Variants in RIC3 observed in about 807,000 individuals in gnomAD.
RIC3 encodes the protein protein RIC-3.
Under a neutral mutation model 27.3 loss-of-function variants are expected in RIC3, and 28 were observed. That is an observed-to-expected ratio of 1.02 (90% CI 0.76 to 1.41). The LOEUF is 1.41. RIC3 is among the 40% of genes most tolerant of loss of function. The pLI is 0.00. For synonymous variants in RIC3, 184 were observed against 160.4 expected (o/e 1.15, Z -1.11); for missense variants, 501 against 444.7 (o/e 1.13, Z -1.14).
At chr11:8,101,612 G>A, downstream of RIC3, 1 of 1,614,222 alleles carries the variant, frequency 6.2e-7, no homozygotes, top group Non-Finnish European at 8.5e-7. Flanking sequence ...AAGCTGGCGT[G>A]CGAGTAGAGG....
In RIC3 at chr11:8,140,099, G is replaced by A. The variant is rs149313414; in HGVS notation, c.219C>T (p.Ala73=). The A allele has an allele frequency of 5.4e-5, 87 of 1,614,004 alleles. No homozygotes were observed. Among genetic ancestry groups the A allele is most frequent in the African/African-American group, 9.3e-5 (7 of 75,006 alleles). The part of the protein sequence containing the change: ...PGARFQRSHL[A]EAFAKAKGSG... ...ATCCTTTGGCCTTTGCAAATGCCTCGGCAAGGTGAGACCTCTGGAAACGAG... is the reference window on the plus strand; with the variant it reads ...ATCCTTTGGCCTTTGCAAATGCCTCAGCAAGGTGAGACCTCTGGAAACGAG... The change falls in exon 2 of 6, where the codon GCC becomes GCT. Residue 73 remains alanine (A), a synonymous_variant. Transcript: ENST00000309737.
chr11:8,095,420 C>T, the RIC3 span: 1 of 1,464,332 alleles, frequency 6.8e-7, no homozygotes, highest in African/African-American at 1.4e-5. Flanking sequence ...CTTCCCTCAT[C>T]CCCTTCATGG....
intron 2 of RIC3, chr11:8,138,873 G>C (rs954210924): frequency 5.0e-6 from 1 of 200,146 alleles, no homozygotes; most frequent in African/African-American, 2.4e-5. Flanking sequence ...CTTTTAAAAA[G>C]TTCTAAGTCG....
chr11:8,101,635 C>T (rs1226274419), downstream of RIC3: 3 of 1,613,528 alleles, frequency 1.9e-6, no homozygotes, highest in East Asian at 2.2e-5. Context: ...TCTTCGTGCC[C>T]TTTGGGGTTG....
the RIC3 span, chr11:8,098,917 A>G: frequency 3.4e-6 from 5 of 1,450,166 alleles, no homozygotes; most frequent in East Asian, 2.3e-5. Context: ...CAAGGTAGAT[A>G]TGAAATCCAG....
At chr11:8,136,996 T>C (rs1298089079) in intron 4 of RIC3, among the ~76,000 whole-genome samples, 4 of 152,048 alleles carry the variant, frequency 2.6e-5, no homozygotes, top group African/African-American at 4.8e-5. Context: ...GGTCTATTTA[T>C]CAAAAAAAAA....
intron 1 of RIC3, among the ~76,000 whole-genome samples, chr11:8,144,622 T>C (rs1477810016): frequency 7.2e-5 from 11 of 152,152 alleles, no homozygotes; most frequent in East Asian, 3.9e-4. Flanking sequence ...GTCAGTGTGG[T>C]GATTCCTCAG....
chr11:8,125,145 T>C (rs1946858692), intron 5 of RIC3, among the ~76,000 whole-genome samples: 1 of 151,262 alleles, frequency 6.6e-6, no homozygotes, highest in Non-Finnish European at 1.5e-5. Flanking sequence ...TCCCAGCTAC[T>C]AGGGAGGCTG....
intron 5 of RIC3, among the ~76,000 whole-genome samples, chr11:8,119,174 A>G (rs978243877): frequency 1.3e-5 from 2 of 152,206 alleles, no homozygotes; most frequent in Non-Finnish European, 2.9e-5. Context: ...GACTCGCTAA[A>G]TGCTTGGCAA....
At chr11:8,145,580 A>C (rs796596051) in intron 1 of RIC3, among the ~76,000 whole-genome samples, 1 of 152,208 alleles carries the variant, frequency 6.6e-6, no homozygotes, top group Non-Finnish European at 1.5e-5. Context: ...ATATAGCACA[A>C]ACAGGGTGAA....
At chr11:8,094,234 CA>C in the RIC3 span, 5 of 1,555,792 alleles carry the variant, frequency 3.2e-6, no homozygotes, top group Non-Finnish European at 4.4e-6. Flanking sequence ...GCCTGGCCTC[CA>C]CTGTAGGGCT....
chr11:8,160,805 C>T (rs1270568278), intron 1 of RIC3, among the ~76,000 whole-genome samples: 3 of 152,140 alleles, frequency 2.0e-5, no homozygotes, highest in African/African-American at 7.2e-5. Flanking sequence ...AACACTTGCA[C>T]CTAGGTCATA....
rs1199179407 is a variant in RIC3 at position 8,168,881 on chromosome 11, G to A, written c.109C>T (p.Pro37Ser). The change falls in exon 1 of 6, where the codon CCG (proline) becomes TCG (serine). Residue 37 changes from proline to serine, a missense_variant. Physicochemically the swap from Pro to Ser is moderately conservative, Grantham distance 74. Transcript: ENST00000309737. ...CTGCTCTTACCTTCAGGTGTCGGCG[G>A]CGGCTCCTGCCGCTTCCCGCGGGAC... The part of the protein sequence containing the change: ...FLSRGKRQEP[P>S]PTPEGKLGRF... The A allele has an allele frequency of 6.2e-7, 1 of 1,610,220 alleles. No individual in the cohort carries two copies. Among genetic ancestry groups the A allele is most frequent in the Non-Finnish European group, 8.5e-7 (1 of 1,178,738 alleles).
the RIC3 span, chr11:8,100,443 C>CA: frequency 1.5e-6 from 2 of 1,350,300 alleles, no homozygotes; most frequent in Non-Finnish European, 2.1e-6. Context: ...CCGTCCCCCC[C>CA]ACCTTCTCCA....
At chr11:8,143,283 T>C (rs1455274121) in intron 1 of RIC3, among the ~76,000 whole-genome samples, 2 of 151,848 alleles carry the variant, frequency 1.3e-5, no homozygotes, top group African/African-American at 2.4e-5. Flanking sequence ...AAAACCCCAT[T>C]GTCTCAGCCC....
chr11:8,102,357 G>C (rs897066146), downstream of RIC3: 1 of 152,250 alleles, frequency 6.6e-6, no homozygotes, highest in Non-Finnish European at 1.5e-5. Context: ...CTGTCTTGGT[G>C]GATGGGCCCT....
At chr11:8,165,368 G>A (rs546156923) in intron 1 of RIC3, among the ~76,000 whole-genome samples, 2 of 138,118 alleles carry the variant, frequency 1.4e-5, no homozygotes, top group African/African-American at 5.4e-5. Flanking sequence ...AAAAAGTACT[G>A]CTACATGCTA....
chr11:8,156,861 A>C (rs918251130), intron 1 of RIC3, among the ~76,000 whole-genome samples: 19 of 152,156 alleles, frequency 1.2e-4, no homozygotes, highest in African/African-American at 3.4e-4. Context: ...GAGTTTTATT[A>C]ATGTGTCTTA....
In RIC3 at chr11:8,142,325, T is replaced by TA. The variant is rs1036983166; in HGVS notation, c.125-2133dup. On this transcript the variant is annotated intron_variant, in intron 1 of 5. Coordinates refer to ENST00000309737, the MANE Select transcript of RIC3 (RefSeq NM_001206671.4). ...AGAGAGAAGAATCAAATAGACACAA[T>TA]AAAAAATGATAAAGGGGATATCACC... Among the ~76,000 whole-genome samples the TA allele has an allele frequency of 9.5e-4, 140 of 147,828 alleles. No homozygotes were observed. In the Middle Eastern group the frequency reaches 0.017, roughly 18 times the overall value.
Sources: allele counts gnomAD v4.1 joint callset (sites outside exome capture counted in the v4.1 genomes callset), GRCh38; gene constraint gnomAD v4.1.1; transcripts MANE v1.5; gene names NCBI Gene and HGNC (gene_info 2026-07-23, HGNC 2026-07-21).